The following MAP3K9 variants were observed in gnomAD, a reference collection of about 807,000 sequenced individuals.
MAP3K9 encodes the protein mitogen-activated protein kinase kinase kinase 9, also known as mixed lineage kinase 1 (tyr and ser/thr specificity).
MAP3K9 carries 46 observed loss-of-function variants against 95.8 expected under a neutral mutation model. The observed-to-expected ratio is 0.48, with a 90% CI of 0.38 to 0.61. The LOEUF is 0.61. Ranked by LOEUF, MAP3K9 falls within the 20% of genes least tolerant of loss-of-function variation. The pLI is 0.00. For synonymous variants in MAP3K9, 533 were observed against 593.8 expected, an observed-to-expected ratio of 0.90 and a Z score of 1.49; for missense variants, 1,296 against 1,474.3, an observed-to-expected ratio of 0.88 and a Z score of 1.98.
chr14:70,793,407 C>T (rs1406219031), intron 2 of MAP3K9, among the ~76,000 whole-genome samples: 1 of 152,180 alleles, frequency 6.6e-6, no homozygotes, highest in South Asian at 2.1e-4. Context: ...TTCCATATGG[C>T]CGGGCCTGGT....
chr14:70,775,226 A>G (rs2054582596), intron 2 of MAP3K9, among the ~76,000 whole-genome samples: 1 of 152,146 alleles, frequency 6.6e-6, no homozygotes, highest in South Asian at 2.1e-4. Flanking sequence ...GTGCAATACT[A>G]GACACTTCAC....
At chr14:70,755,447 G>A (rs904820890) in intron 3 of MAP3K9, among the ~76,000 whole-genome samples, 3 of 152,210 alleles carry the variant, frequency 2.0e-5, no homozygotes, top group Non-Finnish European at 4.4e-5. Flanking sequence ...GTGAACTTAG[G>A]CATGTGACTT....
At chr14:70,754,214 T>A (rs1044623198) in intron 3 of MAP3K9, among the ~76,000 whole-genome samples, 1 of 152,220 alleles carries the variant, frequency 6.6e-6, no homozygotes, top group Non-Finnish European at 1.5e-5. Flanking sequence ...AACATATATG[T>A]AATATATACA....
intron 2 of MAP3K9, among the ~76,000 whole-genome samples, chr14:70,782,550 A>G (rs2054694334): frequency 6.6e-6 from 1 of 152,198 alleles, no homozygotes; most frequent in Admixed American, 6.5e-5. Flanking sequence ...ATTGTGAACC[A>G]CAAGTCCTTA....
At position 70,809,306 on chromosome 14, in the gene MAP3K9, G is replaced by C; in HGVS notation, c.-135C>G. 8.8e-7 allele frequency: 1 copy of C among 1,134,680 alleles called. No homozygotes were observed. The highest frequency in any genetic ancestry group is 3.2e-5 in the East Asian group (1 of 31,026). The allele number at this position is 1,134,680 out of a possible 1,614,324, so 70.3% of individuals were successfully genotyped here. A position where few individuals can be genotyped will look rare whatever the true frequency, so the allele number is the denominator to read the frequency against. On this transcript the variant is annotated 5_prime_UTR_variant, in exon 1 of 12. Coordinates refer to ENST00000554752, the MANE Select transcript of MAP3K9 (RefSeq NM_001284230.2). ...GCCGCAGGTAGGGCCCGGGCTGGCA[G>C]GGCTGGGAGAGCCGGCTCGCCGGCG...
intron 10 of MAP3K9, 181 bp from the exon 11 acceptor site, chr14:70,733,523 C>T (rs545549535): frequency 3.3e-6 from 2 of 609,368 alleles, no homozygotes; most frequent in African/African-American, 1.9e-5. Flanking sequence ...TATCCACCCC[C>T]CAACACAGGG....
Position 70,783,439 on chromosome 14 carries a change from C to T in MAP3K9, c.820+17228G>A, listed in dbSNP as rs1487783825. ...CCTCATTTCCTGCTCAAAATTCCTC[C>T]CAAAAGAGCTCCTGAAGGATTCACT... On this transcript the variant is annotated intron_variant, in intron 2 of 11. Transcript: ENST00000554752. 5.1e-6 allele frequency: 5 copies of T among 975,270 alleles called. No homozygotes were observed. In the African/African-American group the frequency reaches 9.2e-5, roughly 18 times the overall value. 60.4% of individuals were successfully genotyped at this position (975,270 alleles called of 1,614,324 possible). A position where few individuals can be genotyped will look rare whatever the true frequency, so the allele number is the denominator to read the frequency against.
intron 3 of MAP3K9, among the ~76,000 whole-genome samples, chr14:70,750,509 G>C (rs915291980): frequency 2.6e-5 from 4 of 152,090 alleles, no homozygotes; most frequent in African/African-American, 9.7e-5. Flanking sequence ...TTTTGGGATG[G>C]AGTTTCGCTC....
At position 70,724,318 on chromosome 14, in the gene MAP3K9, C is replaced by T. The variant is rs528304436; in HGVS notation, c.*6062G>A. Reference sequence around the variant, plus strand: ...GGTATAGATCCAAAGTTAAAAGCTCCTAGATGTTTCATTGCTGTAAGCCTA... The same window carrying T: ...GGTATAGATCCAAAGTTAAAAGCTCTTAGATGTTTCATTGCTGTAAGCCTA... On this transcript the variant is annotated 3_prime_UTR_variant, in exon 12 of 12. Coordinates refer to ENST00000554752, the MANE Select transcript of MAP3K9 (RefSeq NM_001284230.2). The T allele has an allele frequency of 6.6e-6, 1 of 152,144 alleles. No homozygotes were observed. The highest frequency in any genetic ancestry group is 1.5e-5 in the Non-Finnish European group (1 of 68,026). The allele number at this position is 152,144 out of a possible 1,614,324, so 9.4% of individuals were successfully genotyped here.
At chr14:70,753,374 A>G (rs1248093462) in intron 3 of MAP3K9, among the ~76,000 whole-genome samples, 3 of 152,210 alleles carry the variant, frequency 2.0e-5, no homozygotes, top group African/African-American at 7.2e-5. Context: ...GGCTGACTAA[A>G]CTAGTTTTCC....
intron 1 of MAP3K9, among the ~76,000 whole-genome samples, chr14:70,805,484 T>C (rs1032896674): frequency 1.3e-5 from 2 of 152,252 alleles, no homozygotes; most frequent in Admixed American, 6.5e-5. Flanking sequence ...TTATTTATAC[T>C]TGTCATCCAT....
intron 3 of MAP3K9, among the ~76,000 whole-genome samples, chr14:70,753,413 A>G (rs142200590): frequency 2.1e-3 from 326 of 152,324 alleles, no homozygotes; most frequent in African/African-American, 6.9e-3. Context: ...TATGTTTACA[A>G]TGGAAGGTGG....
At position 70,749,936 on chromosome 14, in the gene MAP3K9, C is replaced by G. The variant is rs755963592; in HGVS notation, c.1147G>C (p.Glu383Gln). ...TCPEPFAKLM[E>Q]DCWNPDPHSR... ...GTTCAGGCCAGGGCTTACTTACCTT[C>G]CATGAGTTTGGCAAAAGGTTCTGGG... The change falls in exon 4 of 12, where the codon GAA becomes CAA. Residue 383 changes from glutamate to glutamine, a missense_variant. This residue lies in a region of MAP3K9 where 136 missense variants were observed against 221.5 expected (regional missense o/e 0.61). Transcript: ENST00000554752. The G allele has an allele frequency of 4.3e-6, 7 of 1,614,088 alleles. No homozygotes were observed. The African/African-American group carries it at 8.0e-5, about 18-fold the overall frequency.
chr14:70,796,288 G>A (rs1230955926), intron 2 of MAP3K9, among the ~76,000 whole-genome samples: 8 of 152,200 alleles, frequency 5.3e-5, no homozygotes, highest in Admixed American at 5.2e-4. Context: ...CTTTTTACAA[G>A]TAGTTTTAGG....
intron 5 of MAP3K9, among the ~76,000 whole-genome samples, chr14:70,746,087 T>A (rs1346754708): frequency 6.6e-6 from 1 of 152,202 alleles, no homozygotes; most frequent in Non-Finnish European, 1.5e-5. Context: ...GAAAAAATAT[T>A]CCTGGTTGGT....
chr14:70,803,044 A>G (rs74408905), intron 1 of MAP3K9, among the ~76,000 whole-genome samples: 6,299 of 152,064 alleles, frequency 0.041, 132 homozygotes, highest in East Asian at 0.093. Flanking sequence ...GAATTCACAC[A>G]AGATCTGGTT....
At position 70,730,959 on chromosome 14, in the gene MAP3K9, G is replaced by T. The variant is rs2053893812; in HGVS notation, c.2831-95C>A. On this transcript the variant is annotated intron_variant, in intron 11 of 11. Transcript: ENST00000554752. ...CCCCCCAACACCACCATATCCCTAC[G>T]CAATCAGGAGAACATGAATCACCAA... 7.7e-6 allele frequency: 10 copies of T among 1,301,578 alleles called. No homozygotes were observed. In the South Asian group the frequency reaches 1.3e-4, roughly 18 times the overall value. The allele number at this position is 1,301,578 out of a possible 1,614,324, so 80.6% of individuals were successfully genotyped here.
intron 1 of MAP3K9, among the ~76,000 whole-genome samples, chr14:70,804,885 C>A (rs1022295876): frequency 6.6e-6 from 1 of 151,988 alleles, no homozygotes; most frequent in African/African-American, 2.4e-5. Flanking sequence ...AACTTTCAAG[C>A]AGATAAAAGA....
chr14:70,745,467 GT>G (rs1291443054), intron 5 of MAP3K9, among the ~76,000 whole-genome samples: 1 of 152,190 alleles, frequency 6.6e-6, no homozygotes, highest in Non-Finnish European at 1.5e-5. Flanking sequence ...GGCCGGCATG[GT>G]GTCTCACGCC....
Sources: gnomAD v4.1 joint callset for allele counts (sites outside exome capture counted in the v4.1 genomes callset) on GRCh38, gnomAD v4.1.1 for gene constraint, gnomAD v4.1.1 regional missense constraint, MANE v1.5 for transcripts, NCBI Gene and HGNC (gene_info 2026-07-23, HGNC 2026-07-21) for gene names.